LDB2: variants seen among roughly 807,000 people sequenced by gnomAD.
The protein encoded by LDB2 is LIM domain-binding protein 2.
A neutral mutation model predicts 44.3 loss-of-function variants in LDB2; 12 were observed. The ratio of observed to expected loss-of-function variants is 0.27; its 90% CI spans 0.17 to 0.44. The LOEUF (loss-of-function observed/expected upper bound fraction) is 0.44. Among genes scored for constraint, LDB2 ranks in the 20% least tolerant of loss-of-function variants. The pLI is 1.00. For synonymous variants in LDB2, 164 were observed against 174.8 expected (o/e 0.94, Z 0.49); for missense variants, 344 against 473.5 (o/e 0.73, Z 2.54).
intron 2 of LDB2, among the ~76,000 whole-genome samples, chr4:16,679,339 G>C (rs568835087): frequency 1.3e-5 from 2 of 150,696 alleles, no homozygotes; most frequent in East Asian, 3.9e-4. Context: ...CAGGAAGGCA[G>C]GAAGGAAGGG....
At chr4:16,758,978 C>G (rs1767291107) in intron 2 of LDB2, among the ~76,000 whole-genome samples, 180 bp downstream of exon 2, 1 of 152,122 alleles carries the variant, frequency 6.6e-6, no homozygotes, top group Admixed American at 6.5e-5. Context: ...TCGAAGGAAA[C>G]CTGTCAGAGC....
chr4:16,751,206 C>A (rs1669754844), intron 2 of LDB2, among the ~76,000 whole-genome samples: 1 of 152,104 alleles, frequency 6.6e-6, no homozygotes, highest in Non-Finnish European at 1.5e-5. Flanking sequence ...ACAATTGTAA[C>A]CCCCTAAGAG....
chr4:16,782,957 G>C (rs1773616649), intron 1 of LDB2, among the ~76,000 whole-genome samples: 1 of 152,082 alleles, frequency 6.6e-6, no homozygotes, highest in African/African-American at 2.4e-5. Context: ...ATAATACTTA[G>C]AGTAACTGGA....
intron 2 of LDB2, among the ~76,000 whole-genome samples, chr4:16,608,139 C>CTA (rs1724449636): frequency 6.9e-6 from 1 of 144,358 alleles, no homozygotes; most frequent in Non-Finnish European, 1.5e-5. Context: ...GATGGGGTTT[C>CTA]TACCTTACCA....
chr4:16,542,725 A>ATTT (rs140614064), intron 5 of LDB2, among the ~76,000 whole-genome samples: 17,840 of 151,370 alleles, frequency 0.12, 1,660 homozygotes, highest in African/African-American at 0.25. Context: ...ATGCTCAATA[A>ATTT]TTTTTTTTTA....
intron 5 of LDB2, among the ~76,000 whole-genome samples, chr4:16,526,826 C>A (rs1369317160): frequency 6.6e-6 from 1 of 152,212 alleles, no homozygotes. Flanking sequence ...GCAATGAGAT[C>A]TGTCTCAGAC....
intron 1 of LDB2, among the ~76,000 whole-genome samples, chr4:16,827,968 C>T (rs1055940144): frequency 3.3e-5 from 5 of 152,148 alleles, no homozygotes; most frequent in Non-Finnish European, 7.3e-5. Flanking sequence ...GTTGTTGCCA[C>T]TTTTGTACTT....
At chr4:16,667,450 C>A (rs1268083011) in intron 2 of LDB2, among the ~76,000 whole-genome samples, 1 of 152,196 alleles carries the variant, frequency 6.6e-6, no homozygotes. Flanking sequence ...AGAGGTGGGA[C>A]AATTTGGCTA....
chr4:16,630,302 A>C (rs1731552808), intron 2 of LDB2, among the ~76,000 whole-genome samples: 1 of 152,216 alleles, frequency 6.6e-6, no homozygotes, highest in East Asian at 1.9e-4. Context: ...CAAAGAAAAG[A>C]ATTTTCAACC....
intron 2 of LDB2, among the ~76,000 whole-genome samples, chr4:16,693,762 C>G (rs948041791): frequency 2.6e-5 from 4 of 152,162 alleles, no homozygotes; most frequent in African/African-American, 9.7e-5. Context: ...AATGCGAATG[C>G]AGCACTTCCC....
intron 5 of LDB2, among the ~76,000 whole-genome samples, chr4:16,551,523 T>C (rs971214458): frequency 3.9e-5 from 6 of 152,124 alleles, no homozygotes; most frequent in African/African-American, 1.2e-4. Context: ...TTATTTTTTA[T>C]TTATTTATTT....
chr4:16,609,355 G>GGGGC (rs1448226320), intron 2 of LDB2, among the ~76,000 whole-genome samples: 1 of 148,886 alleles, frequency 6.7e-6, no homozygotes, highest in Non-Finnish European at 1.5e-5. Context: ...AGGGGGCGGG[G>GGGGC]GGGGGAGGGG....
chr4:16,646,385 A>G (rs1191189957), intron 2 of LDB2, among the ~76,000 whole-genome samples: 1 of 152,178 alleles, frequency 6.6e-6, no homozygotes, highest in African/African-American at 2.4e-5. Context: ...CACTCTTTTA[A>G]TAGGCTTATA....
At chr4:16,619,008 C>T (rs1029380109) in intron 2 of LDB2, among the ~76,000 whole-genome samples, 2 of 152,156 alleles carry the variant, frequency 1.3e-5, no homozygotes, top group Admixed American at 6.5e-5. Flanking sequence ...CTTCGACTTT[C>T]GCCATGATTG....
At chr4:16,831,674 G>A (rs1784098497) in intron 1 of LDB2, among the ~76,000 whole-genome samples, 1 of 152,214 alleles carries the variant, frequency 6.6e-6, no homozygotes, top group South Asian at 2.1e-4. Context: ...TAAGAAGAAT[G>A]CAACCAAGCA....
chr4:16,693,088 G>A (rs553358391), intron 2 of LDB2, among the ~76,000 whole-genome samples: 2 of 152,136 alleles, frequency 1.3e-5, no homozygotes, highest in Non-Finnish European at 2.9e-5. Flanking sequence ...AATGAGTTTC[G>A]AGGGCCTTGG....
intron 2 of LDB2, among the ~76,000 whole-genome samples, chr4:16,617,971 TTC>T (rs548037041): frequency 5.2e-4 from 79 of 152,268 alleles, no homozygotes; most frequent in African/African-American, 1.8e-3. Flanking sequence ...CTGACTGCTC[TTC>T]TGTCTTGTAT....
At chr4:16,702,074 A>G (rs906243954) in intron 2 of LDB2, among the ~76,000 whole-genome samples, 2 of 152,230 alleles carry the variant, frequency 1.3e-5, no homozygotes, top group African/African-American at 4.8e-5. Flanking sequence ...TTATAGCTCA[A>G]GAGTTCCATA....
chr4:16,660,404 C>T (rs1032967578), intron 2 of LDB2, among the ~76,000 whole-genome samples: 2 of 152,160 alleles, frequency 1.3e-5, no homozygotes, highest in African/African-American at 2.4e-5. Context: ...GATACCTGCT[C>T]ATCTGACCTC....
Sources: allele counts gnomAD v4.1 joint callset (sites outside exome capture counted in the v4.1 genomes callset), GRCh38; gene constraint gnomAD v4.1.1; transcripts MANE v1.5; gene names NCBI Gene and HGNC (gene_info 2026-07-23, HGNC 2026-07-21).